The following FTCDNL1 variants were observed in gnomAD, a reference collection of about 807,000 sequenced individuals.
FTCDNL1 encodes the protein formiminotransferase cyclodeaminase N-terminal like.
A neutral mutation model predicts 5.9 loss-of-function variants in FTCDNL1; 11 were observed. The observed-to-expected ratio is 1.87, with a 90% CI of 1.18 to 3.10. FTCDNL1 has a LOEUF of 3.10. Ranked by LOEUF, FTCDNL1 falls within the 30% of genes most tolerant of loss-of-function variation. The pLI is 0.00. For synonymous variants in FTCDNL1, 58 were observed against 24.8 expected (o/e 2.34, Z -3.99); for missense variants, 115 against 65.5 (o/e 1.76, Z -2.61).
At chr2:199,716,033 T>TA in the FTCDNL1 span, among the ~76,000 whole-genome samples, 145 of 108,898 alleles carry the variant, frequency 1.3e-3, 2 homozygotes, top group African/African-American at 4.1e-3. Flanking sequence ...TGCCTCTAGT[T>TA]AAAAAAAAAA....
chr2:199,685,667 G>A, the FTCDNL1 span, among the ~76,000 whole-genome samples: 3 of 152,158 alleles, frequency 2.0e-5, no homozygotes, highest in African/African-American at 7.2e-5. Context: ...ATTAATAAGA[G>A]TTTTTAAAAT....
the FTCDNL1 span, among the ~76,000 whole-genome samples, chr2:199,753,036 G>T: frequency 1.3e-5 from 2 of 152,250 alleles, no homozygotes; most frequent in Admixed American, 6.5e-5. Context: ...TCCTCCAGCA[G>T]TGCTTAAGCC....
the FTCDNL1 span, among the ~76,000 whole-genome samples, chr2:199,712,731 C>G: frequency 6.6e-6 from 1 of 152,184 alleles, no homozygotes; most frequent in African/African-American, 2.4e-5. Flanking sequence ...CACTGCCAAG[C>G]CTTGGCATTT....
At chr2:199,803,215 C>T (rs1341148006) in intron 3 of FTCDNL1, among the ~76,000 whole-genome samples, 1 of 133,362 alleles carries the variant, frequency 7.5e-6, no homozygotes, top group East Asian at 2.3e-4. Context: ...AAAAAAAAGA[C>T]CTGGAAGAAA....
chr2:199,837,702 A>G (rs1702848182), intron 3 of FTCDNL1, among the ~76,000 whole-genome samples: 1 of 152,244 alleles, frequency 6.6e-6, no homozygotes, highest in African/African-American at 2.4e-5. Flanking sequence ...CATTCTGATC[A>G]AAGTCCTTAA....
chr2:199,671,996 G>A, the FTCDNL1 span, among the ~76,000 whole-genome samples: 6 of 152,046 alleles, frequency 3.9e-5, no homozygotes, highest in Non-Finnish European at 7.4e-5. Flanking sequence ...CAGTGTCATC[G>A]TCCAGATTCA....
Position 199,770,482 on chromosome 2 carries a change from A to G in FTCDNL1, c.212-9647T>C, listed in dbSNP as rs59758795. Among the ~76,000 whole-genome samples, 559 of 152,264 alleles carry G rather than the reference A, an allele frequency of 3.7e-3. 3 individuals are homozygous for G. Among genetic ancestry groups the G allele is most frequent in the African/African-American group, 0.013 (536 of 41,560 alleles). Reference sequence around the variant, plus strand: ...CTCTGATACCAGTTTTATGTATCTCAATATCTTCTTATCAAAAATCTACTT... The same window carrying G: ...CTCTGATACCAGTTTTATGTATCTCGATATCTTCTTATCAAAAATCTACTT... On this transcript the variant is annotated intron_variant, in intron 3 of 3. Coordinates refer to the FTCDNL1 transcript ENST00000416668.
At chr2:199,703,011 GGTTTGTTTGTTTGTTT>G in the FTCDNL1 span, among the ~76,000 whole-genome samples, 1 of 150,498 alleles carries the variant, frequency 6.6e-6, no homozygotes, top group African/African-American at 2.5e-5. Context: ...AAGGACTCTG[GGTTTGTTTGTTTGTTT>G]GTTTGTTTGT....
At chr2:199,833,060 C>T (rs566582477) in intron 3 of FTCDNL1, among the ~76,000 whole-genome samples, 1 of 151,932 alleles carries the variant, frequency 6.6e-6, no homozygotes, top group South Asian at 2.1e-4. Flanking sequence ...GCCTTGCCTT[C>T]CAGACTCAAG....
downstream of FTCDNL1, among the ~76,000 whole-genome samples, chr2:199,805,486 C>A (rs1403838808): frequency 6.6e-6 from 1 of 152,118 alleles, no homozygotes; most frequent in Non-Finnish European, 1.5e-5. Context: ...TACCTGTAAT[C>A]CCAGTACTTT....
At chr2:199,805,783 G>A (rs1700694007), downstream of FTCDNL1, among the ~76,000 whole-genome samples, 1 of 151,998 alleles carries the variant, frequency 6.6e-6, no homozygotes, top group African/African-American at 2.4e-5. Context: ...GCCAGGTGTA[G>A]TGGTGTGCAC....
At chr2:199,768,928 G>A (rs926160992) in intron 3 of FTCDNL1, among the ~76,000 whole-genome samples, 1 of 152,094 alleles carries the variant, frequency 6.6e-6, no homozygotes, top group Non-Finnish European at 1.5e-5. Flanking sequence ...CCCTCACCAT[G>A]GCCAGGAATG....
At chr2:199,826,070 T>C (rs1293209710) in intron 3 of FTCDNL1, among the ~76,000 whole-genome samples, 1 of 152,212 alleles carries the variant, frequency 6.6e-6, no homozygotes, top group East Asian at 1.9e-4. Context: ...TCCTACTAAA[T>C]ACATGTTTCC....
chr2:199,724,454 A>C, the FTCDNL1 span, among the ~76,000 whole-genome samples: 2 of 151,668 alleles, frequency 1.3e-5, no homozygotes, highest in Non-Finnish European at 1.5e-5. Flanking sequence ...TTGGTTCCCT[A>C]GTTCTTTTAG....
chr2:199,757,766 A>G (rs1445616786), downstream of FTCDNL1, among the ~76,000 whole-genome samples: 2 of 152,194 alleles, frequency 1.3e-5, no homozygotes, highest in Non-Finnish European at 2.9e-5. Flanking sequence ...TGGTGGTAGC[A>G]ATTGGCAAAA....
intron 3 of FTCDNL1, chr2:199,844,524 C>A (rs1025635845): frequency 1.7e-6 from 1 of 599,704 alleles, no homozygotes; most frequent in South Asian, 1.9e-5. Context: ...GCAGCCAGAA[C>A]AGAACTGCCT....
At chr2:199,842,614 C>A (rs72924484) in intron 3 of FTCDNL1, among the ~76,000 whole-genome samples, 286 of 152,264 alleles carry the variant, frequency 1.9e-3, no homozygotes, top group Non-Finnish European at 3.0e-3. Context: ...ACTTTAAGAA[C>A]CTCATCCTGG....
At chr2:199,678,188 A>G in the FTCDNL1 span, among the ~76,000 whole-genome samples, 1 of 152,022 alleles carries the variant, frequency 6.6e-6, no homozygotes, top group Non-Finnish European at 1.5e-5. Context: ...ACATGATGTT[A>G]TTATATTGCA....
chr2:199,774,948 C>G (rs889582066), intron 3 of FTCDNL1, among the ~76,000 whole-genome samples: 1 of 152,184 alleles, frequency 6.6e-6, no homozygotes, highest in Non-Finnish European at 1.5e-5. Context: ...AGTACCAGTC[C>G]TCTCAGAATC....
Sources: allele counts gnomAD v4.1 joint callset (sites outside exome capture counted in the v4.1 genomes callset), GRCh38; gene constraint gnomAD v4.1.1; transcripts MANE v1.5; gene names NCBI Gene and HGNC (gene_info 2026-07-23, HGNC 2026-07-21).